KDM4C: variants seen among roughly 807,000 people sequenced by gnomAD.
KDM4C encodes lysine-specific demethylase 4C.
In KDM4C, 81 loss-of-function variants were observed where a neutral mutation model predicts 129.3. The ratio of observed to expected loss-of-function variants is 0.63; its 90% confidence interval spans 0.52 to 0.75. KDM4C has a LOEUF of 0.75. Ranked by LOEUF, KDM4C falls within the 30% of genes least tolerant of loss-of-function variation. The probability of loss-of-function intolerance (pLI) is 0.00; values close to 1 mark genes in which losing one functional copy is unlikely to be tolerated. For synonymous variants in KDM4C, 573 were observed against 456.1 expected, an observed-to-expected ratio of 1.26 and a Z score of -3.26; for missense variants, 1,457 against 1,304.0, an observed-to-expected ratio of 1.12 and a Z score of -1.81.
intron 5 of KDM4C, among the ~76,000 whole-genome samples, chr9:6,868,423 G>C (rs892091013): frequency 6.6e-6 from 1 of 152,112 alleles, no homozygotes; most frequent in Non-Finnish European, 1.5e-5. Context: ...CGGTTAACTG[G>C]ATCACCGATT....
At chr9:6,802,155 G>T (rs1312422826) in intron 2 of KDM4C, among the ~76,000 whole-genome samples, 1 of 150,142 alleles carries the variant, frequency 6.7e-6, no homozygotes, top group Non-Finnish European at 1.5e-5. Flanking sequence ...TGGATGAAAA[G>T]GTTTCTTTCT....
intron 20 of KDM4C, among the ~76,000 whole-genome samples, chr9:7,168,874 TA>T (rs1359775515): frequency 6.6e-6 from 1 of 151,898 alleles, no homozygotes; most frequent in Non-Finnish European, 1.5e-5. Flanking sequence ...TTATCTCTAC[TA>T]AAAAACTACA....
intron 8 of KDM4C, among the ~76,000 whole-genome samples, chr9:6,962,307 T>C (rs1830172597): frequency 6.6e-6 from 1 of 152,214 alleles, no homozygotes; most frequent in Non-Finnish European, 1.5e-5. Flanking sequence ...AAAAATTATA[T>C]CCAAATGCAT....
chr9:7,005,584 C>G lies in KDM4C; in HGVS notation c.1787-6114C>G, dbSNP rs141697566. 4.5e-3 allele frequency among the ~76,000 whole-genome samples: 679 copies of G among 152,200 alleles called. 5 individuals carry two copies. The highest frequency in any genetic ancestry group is 0.015 in the African/African-American group (616 of 41,484). On this transcript the variant is annotated intron_variant, in intron 12 of 21. Coordinates refer to ENST00000381309, the MANE Select transcript of KDM4C (RefSeq NM_015061.6). ...TTATTACCGAAATTTTGCAAACTCT[C>G]AAGGCTTCCAAGAGGGTTTGTGGCT...
intron 1 of KDM4C, among the ~76,000 whole-genome samples, chr9:6,779,030 G>GTTTTTTTTTTTTT (rs1563985369): frequency 3.4e-5 from 2 of 59,696 alleles, no homozygotes; most frequent in African/African-American, 2.0e-4. Flanking sequence ...CCTGATTAAA[G>GTTTTTTTTTTTTT]TCTTTTTTTT....
chr9:7,062,652 G>A (rs1217325444), intron 17 of KDM4C, among the ~76,000 whole-genome samples: 1 of 151,970 alleles, frequency 6.6e-6, no homozygotes, highest in Non-Finnish European at 1.5e-5. Flanking sequence ...CCAAAGTGCT[G>A]GGATTATAGG....
chr9:6,968,349 A>G (rs1563905337), intron 8 of KDM4C, among the ~76,000 whole-genome samples: 1 of 152,282 alleles, frequency 6.6e-6, no homozygotes, highest in South Asian at 2.1e-4. Flanking sequence ...AATGCCATCA[A>G]TTACTTGCCA....
At chr9:6,760,132 G>C (rs1478754994) in intron 1 of KDM4C, among the ~76,000 whole-genome samples, 4 of 151,732 alleles carry the variant, frequency 2.6e-5, no homozygotes, top group Non-Finnish European at 2.9e-5. Context: ...TCTGTCCCTA[G>C]GCAACCACTA....
At position 7,046,844 on chromosome 9, in the gene KDM4C, A is replaced by G; in HGVS notation, c.2260-18A>G. ...TATGTGGGTCTGGTCATCATGTGGT[A>G]TTTTCTTTTCCCCCCAGGAATGCTG... is the stretch of plus-strand genomic sequence containing the variant. On this transcript the variant is annotated intron_variant, in intron 15 of 21. Coordinates refer to ENST00000381309, the MANE Select transcript of KDM4C (RefSeq NM_015061.6). 1.9e-6 allele frequency: 3 copies of G among 1,588,146 alleles called. No homozygotes were observed. Among genetic ancestry groups the G allele is most frequent in the Non-Finnish European group, 2.6e-6 (3 of 1,156,962 alleles).
At chr9:7,058,754 C>T (rs1377690141) in intron 17 of KDM4C, among the ~76,000 whole-genome samples, 1 of 152,176 alleles carries the variant, frequency 6.6e-6, no homozygotes, top group South Asian at 2.1e-4. Flanking sequence ...ATAGGAAATA[C>T]TTAGAAAGCA....
intron 1 of KDM4C, among the ~76,000 whole-genome samples, chr9:6,724,499 A>T (rs1354866837): frequency 6.6e-6 from 1 of 152,138 alleles, no homozygotes; most frequent in African/African-American, 2.4e-5. Flanking sequence ...TATCCAAGAA[A>T]GAAGTAAACT....
Position 6,729,657 on chromosome 9 carries a change from T to C in KDM4C, c.49+8660T>C, listed in dbSNP as rs1294123482. On this transcript the variant is annotated intron_variant, in intron 1 of 17. Transcript: ENST00000536108. ...AAAGGAGGTACTCTCCATATGGAAATATACTTTTAGAGTTTTAAAAAACTG... is the reference window on the plus strand; with the variant it reads ...AAAGGAGGTACTCTCCATATGGAAACATACTTTTAGAGTTTTAAAAAACTG... Among the ~76,000 whole-genome samples the C allele has an allele frequency of 3.0e-5, 4 of 135,134 alleles. 1 individual carries two copies. Among genetic ancestry groups the C allele is most frequent in the African/African-American group, 9.4e-5 (3 of 32,020 alleles). The allele number at this position is 135,134 out of a possible 152,430, so 88.7% of individuals were successfully genotyped here.
upstream of KDM4C, among the ~76,000 whole-genome samples, chr9:6,757,272 A>C (rs2130337079): frequency 6.7e-6 from 1 of 149,358 alleles, no homozygotes; most frequent in Middle Eastern, 3.4e-3. Context: ...TTTCTGAGGG[A>C]CCGCCAGCCC....
Position 6,865,652 on chromosome 9 carries a change from C to T in KDM4C, c.630-14360C>T, listed in dbSNP as rs113444335. On this transcript the variant is annotated intron_variant, in intron 5 of 21. Transcript: ENST00000381309. ...CGTGATCTCAGCTCACTGTAACCTC[C>T]GCCTCCCAGTTTCAAGCAATTCTGC... is the stretch of plus-strand genomic sequence containing the variant. Among the ~76,000 whole-genome samples, 314 of 152,214 alleles carry T rather than the reference C, an allele frequency of 2.1e-3. 3 individuals carry two copies. The highest frequency in any genetic ancestry group is 5.4e-3 in the African/African-American group (224 of 41,544).
intron 8 of KDM4C, among the ~76,000 whole-genome samples, chr9:6,964,801 A>AAAC (rs1563898172): frequency 7.4e-5 from 11 of 149,018 alleles, no homozygotes; most frequent in Non-Finnish European, 1.5e-5. Flanking sequence ...AAAAAAAAAA[A>AAAC]CCACAGACTG....
intron 1 of KDM4C, among the ~76,000 whole-genome samples, chr9:6,773,789 A>G (rs1563973432): frequency 6.7e-6 from 1 of 148,282 alleles, no homozygotes; most frequent in African/African-American, 2.5e-5. Flanking sequence ...AAAAAAAAGT[A>G]TAGGTATTGT....
At chr9:6,991,814 T>C (rs1351075564) in intron 12 of KDM4C, among the ~76,000 whole-genome samples, 3 of 152,026 alleles carry the variant, frequency 2.0e-5, no homozygotes, top group African/African-American at 4.8e-5. Flanking sequence ...GGTGGGAGCA[T>C]TGCTTGAGCT....
At chr9:6,882,656 A>T (rs1844631744) in intron 6 of KDM4C, among the ~76,000 whole-genome samples, 1 of 152,192 alleles carries the variant, frequency 6.6e-6, no homozygotes, top group African/African-American at 2.4e-5. Context: ...TTAGATCCTT[A>T]TATTTACTTG....
intron 18 of KDM4C, among the ~76,000 whole-genome samples, chr9:7,121,636 G>A (rs906514655): frequency 5.9e-5 from 9 of 152,226 alleles, no homozygotes; most frequent in East Asian, 1.9e-4. Context: ...ATATGTGTAC[G>A]TAGATGAAAA....
Sources: gnomAD v4.1 joint callset for allele counts (sites outside exome capture counted in the v4.1 genomes callset) on GRCh38, gnomAD v4.1.1 for gene constraint, MANE v1.5 for transcripts, NCBI Gene and HGNC (gene_info 2026-07-23, HGNC 2026-07-21) for gene names.